Variants in FOXJ3 observed in about 807,000 individuals in gnomAD.
FOXJ3 encodes the protein forkhead box protein J3.
FOXJ3 carries 22 observed loss-of-function variants against 76.1 expected under a neutral mutation model. The ratio of observed to expected loss-of-function variants is 0.29; its 90% CI spans 0.21 to 0.41. The LOEUF (loss-of-function observed/expected upper bound fraction) is 0.41, where lower values mean the gene tolerates loss of function less well. Ranked by LOEUF, FOXJ3 falls within the 10% of genes least tolerant of loss-of-function variation. FOXJ3 has a pLI of 1.00. For missense variants in FOXJ3, 613 were observed against 762.1 expected, an observed-to-expected ratio of 0.80 and a Z score of 2.30; for synonymous variants, 269 against 261.2, an observed-to-expected ratio of 1.03 and a Z score of -0.29.
At chr1:42,299,270 T>C (rs1653978978) in intron 2 of FOXJ3, among the ~76,000 whole-genome samples, 1 of 152,200 alleles carries the variant, frequency 6.6e-6, no homozygotes, top group Non-Finnish European at 1.5e-5. Context: ...CCTAGCAGTA[T>C]TTATGAATCT....
rs1329761832 is a variant in FOXJ3, at chr1:42,180,103, T to G, written c.1754-278A>C. ...CCACACTCCTTCCATTATACCAGGC[T>G]GCAGTAAGGAAGACACGAGAAAAGT... On this transcript the variant is annotated intron_variant, in intron 12 of 12. Coordinates refer to ENST00000361346, the MANE Select transcript of FOXJ3 (RefSeq NM_014947.5). Among the ~76,000 whole-genome samples, 7 of 152,188 alleles carry G rather than the reference T, an allele frequency of 4.6e-5. No individual in the cohort carries two copies. In the East Asian group the frequency reaches 1.2e-3, roughly 25 times the overall value.
chr1:42,255,548 G>T (rs912813190), intron 4 of FOXJ3, among the ~76,000 whole-genome samples: 1 of 152,122 alleles, frequency 6.6e-6, no homozygotes, highest in Non-Finnish European at 1.5e-5. Context: ...GAGATCATCA[G>T]ACAATTTTAA....
intron 6 of FOXJ3, among the ~76,000 whole-genome samples, chr1:42,200,548 G>C (rs1230671494): frequency 6.6e-6 from 1 of 151,870 alleles, no homozygotes; most frequent in African/African-American, 2.4e-5. Flanking sequence ...GTGCGATCTC[G>C]GCTCACTGCA....
At chr1:42,224,106 G>A (rs763865623) in intron 5 of FOXJ3, among the ~76,000 whole-genome samples, 8 of 152,182 alleles carry the variant, frequency 5.3e-5, no homozygotes, top group Non-Finnish European at 1.2e-4. Flanking sequence ...GAATACTGAA[G>A]TGCAAAGAAT....
At chr1:42,263,488 A>G (rs1651218903) in intron 4 of FOXJ3, among the ~76,000 whole-genome samples, 1 of 152,210 alleles carries the variant, frequency 6.6e-6, no homozygotes, top group Non-Finnish European at 1.5e-5. Context: ...AAATCTAATT[A>G]TCTTTTTGTA....
intron 3 of FOXJ3, among the ~76,000 whole-genome samples, chr1:42,266,068 G>A (rs183177676): frequency 6.6e-6 from 1 of 152,228 alleles, no homozygotes; most frequent in East Asian, 1.9e-4. Flanking sequence ...GGAGAGAAGA[G>A]GTCCAACTGC....
At chr1:42,331,554 C>CA (rs1163772868) in intron 1 of FOXJ3, among the ~76,000 whole-genome samples, 1 of 152,072 alleles carries the variant, frequency 6.6e-6, no homozygotes, top group Non-Finnish European at 1.5e-5. Flanking sequence ...TGAAAGAAGT[C>CA]AGACACAAAA....
intron 4 of FOXJ3, among the ~76,000 whole-genome samples, chr1:42,231,401 G>GT (rs1648101467): frequency 6.6e-6 from 1 of 152,072 alleles, no homozygotes; most frequent in Non-Finnish European, 1.5e-5. Flanking sequence ...GACAAATATT[G>GT]TATGATTCCA....
intron 5 of FOXJ3, among the ~76,000 whole-genome samples, chr1:42,217,491 T>C (rs1647094861): frequency 6.6e-6 from 1 of 151,800 alleles, no homozygotes; most frequent in South Asian, 2.1e-4. Context: ...ATCGTGCCAC[T>C]GCATTCCAGC....
chr1:42,334,137 T>C, intron 1 of FOXJ3: 1 of 981,570 alleles, frequency 1.0e-6, no homozygotes, highest in Non-Finnish European at 1.2e-6. Flanking sequence ...ACTATACACC[T>C]GAATGCATCG....
chr1:42,315,332 T>A, intron 1 of FOXJ3: 1 of 636,176 alleles, frequency 1.6e-6, no homozygotes, highest in Non-Finnish European at 2.0e-6. Context: ...AACTTCACAG[T>A]ATGTGATTTT....
intron 1 of FOXJ3, among the ~76,000 whole-genome samples, chr1:42,317,154 A>G (rs980883557): frequency 7.2e-5 from 11 of 152,198 alleles, no homozygotes; most frequent in Non-Finnish European, 1.3e-4. Flanking sequence ...ACTTGAAAGT[A>G]TAACATTCAC....
chr1:42,191,231 T>C (rs1310321090), intron 9 of FOXJ3, 72 bp downstream of exon 9: 3 of 1,401,748 alleles, frequency 2.1e-6, no homozygotes, highest in Non-Finnish European at 2.9e-6. Context: ...AAATACTACA[T>C]GAGCTCTAAA....
chr1:42,310,598 C>T (rs1311308500), intron 2 of FOXJ3, among the ~76,000 whole-genome samples: 3 of 151,786 alleles, frequency 2.0e-5, no homozygotes, highest in Admixed American at 2.0e-4. Context: ...CAGGTGTGAG[C>T]CACCACACCT....
At position 42,306,298 on chromosome 1, in the gene FOXJ3, C is replaced by CTTTTTTTTTTTT. The variant is rs9326121; in HGVS notation, c.44+4740_44+4751dup. 2.6e-3 allele frequency among the ~76,000 whole-genome samples: 210 copies of CTTTTTTTTTTTT among 81,664 alleles called. 5 individuals carry two copies. The highest frequency in any genetic ancestry group is 3.6e-3 in the Non-Finnish European group (157 of 43,334). 53.6% of individuals were successfully genotyped at this position (81,664 alleles called of 152,430 possible). ...CATCCATCACTCTCTGAACTTTTTT[C>CTTTTTTTTTTTT]TTTTTTTTTTTTTTTTTTTTTTTGG... is the stretch of plus-strand genomic sequence containing the variant. On this transcript the variant is annotated intron_variant, in intron 2 of 12. Coordinates refer to ENST00000361346, the MANE Select transcript of FOXJ3 (RefSeq NM_014947.5).
rs185260399 is a variant in FOXJ3, at chr1:42,256,009, G to A, written c.444+9106C>T. Among the ~76,000 whole-genome samples, 1,007 of 152,300 alleles carry A rather than the reference G, an allele frequency of 6.6e-3. 7 individuals are homozygous for A. The highest frequency in any genetic ancestry group is 0.012 in the Admixed American group (188 of 15,292). On this transcript the variant is annotated intron_variant, in intron 4 of 12. Transcript: ENST00000361346. ...TGCATTCCAGCCTGAGCAACAGAGC[G>A]AGACTTCGTCTCAAAAAAAAGAAAT...
At chr1:42,239,375 C>T (rs989069536) in intron 4 of FOXJ3, among the ~76,000 whole-genome samples, 3 of 152,138 alleles carry the variant, frequency 2.0e-5, no homozygotes, top group Non-Finnish European at 4.4e-5. Flanking sequence ...TTCATAAATG[C>T]GTCTCATCAA....
chr1:42,310,666 T>C (rs916513462), intron 2 of FOXJ3, among the ~76,000 whole-genome samples: 1 of 151,326 alleles, frequency 6.6e-6, no homozygotes, highest in African/African-American at 2.4e-5. Flanking sequence ...GCCAGGCTGG[T>C]CTCAAACTCC....
chr1:42,301,170 C>T (rs556672765), intron 2 of FOXJ3, among the ~76,000 whole-genome samples: 1 of 151,958 alleles, frequency 6.6e-6, no homozygotes, highest in Non-Finnish European at 1.5e-5. Context: ...ATGCTTTATA[C>T]AATCCCATAT....
Sources: allele counts gnomAD v4.1 joint callset (sites outside exome capture counted in the v4.1 genomes callset), GRCh38; gene constraint gnomAD v4.1.1; transcripts MANE v1.5; gene names NCBI Gene and HGNC (gene_info 2026-07-23, HGNC 2026-07-21).